Variants in AGBL1 observed in about 807,000 individuals in gnomAD.
AGBL1 encodes cytosolic carboxypeptidase 4.
AGBL1 carries 130 observed loss-of-function variants against 118.9 expected under a neutral mutation model. That is an observed-to-expected ratio of 1.09 (90% CI 0.95 to 1.26). The LOEUF (loss-of-function observed/expected upper bound fraction) is 1.26. AGBL1 is among the 50% of genes most tolerant of loss of function. The probability of loss-of-function intolerance (pLI) is 0.00; values close to 1 mark genes in which losing one functional copy is unlikely to be tolerated. For missense variants in AGBL1, 1,584 were observed against 1,298.1 expected (o/e 1.22, Z -3.38); for synonymous variants, 555 against 478.9 (o/e 1.16, Z -2.08).
chr15:86,875,613 T>G (rs183359028), intron 22 of AGBL1, among the ~76,000 whole-genome samples: 1 of 152,290 alleles, frequency 6.6e-6, no homozygotes, highest in African/African-American at 2.4e-5. Context: ...ACACATAGAT[T>G]GTTTTCCATA....
intron 24 of AGBL1, among the ~76,000 whole-genome samples, chr15:87,023,322 G>T (rs981033092): frequency 6.6e-6 from 1 of 152,042 alleles, no homozygotes; most frequent in African/African-American, 2.4e-5. Context: ...AAGTGAGCAG[G>T]AGTAGCTATA....
chr15:86,683,267 G>A (rs1038608017), intron 22 of AGBL1, among the ~76,000 whole-genome samples: 3 of 152,074 alleles, frequency 2.0e-5, no homozygotes, highest in South Asian at 2.1e-4. Context: ...AAACTCAAAC[G>A]ACTTGGGTTC....
rs570072530 is a variant in AGBL1, at chr15:86,698,899, CG to C, written c.3158+24464del. ...TACTGAAAAATAAAGATTTATTCAA[CG>C]TTTTCATTTGATATATATGTAATTT... On this transcript the variant is annotated intron_variant, in intron 22 of 22. Transcript: ENST00000614907. 2.9e-3 allele frequency among the ~76,000 whole-genome samples: 441 copies of C among 151,986 alleles called. 2 individuals carry two copies. Among genetic ancestry groups the C allele is most frequent in the African/African-American group, 0.01 (420 of 41,486 alleles).
chr15:86,745,311 A>G (rs1290855661), intron 22 of AGBL1, among the ~76,000 whole-genome samples: 2 of 152,082 alleles, frequency 1.3e-5, no homozygotes, highest in African/African-American at 4.8e-5. Context: ...AAAAAATGGG[A>G]ATATAGAGGC....
chr15:86,087,501 G>A (rs2141452421), intron 1 of AGBL1, among the ~76,000 whole-genome samples: 1 of 152,132 alleles, frequency 6.6e-6, no homozygotes, highest in East Asian at 1.9e-4. Context: ...GCTAATTTTT[G>A]TATTTTTAGT....
intron 22 of AGBL1, among the ~76,000 whole-genome samples, chr15:86,855,714 C>T (rs2079469619): frequency 6.6e-6 from 1 of 152,184 alleles, no homozygotes; most frequent in African/African-American, 2.4e-5. Context: ...TAATCATAAC[C>T]TTATCAAACA....
chr15:86,363,074 C>T (rs937584203), intron 17 of AGBL1, among the ~76,000 whole-genome samples: 4 of 152,096 alleles, frequency 2.6e-5, no homozygotes, highest in South Asian at 2.1e-4. Context: ...CTTTGGTCTG[C>T]AGCTGTGGCC....
At chr15:86,112,755 G>A (rs868065651) in intron 1 of AGBL1, among the ~76,000 whole-genome samples, 1 of 152,124 alleles carries the variant, frequency 6.6e-6, no homozygotes, top group African/African-American at 2.4e-5. Flanking sequence ...CACCAGGGCT[G>A]GATTTTTATC....
intron 21 of AGBL1, among the ~76,000 whole-genome samples, chr15:86,637,240 G>A (rs1267516665): frequency 6.6e-6 from 1 of 152,092 alleles, no homozygotes; most frequent in Non-Finnish European, 1.5e-5. Context: ...GATGTAAGAG[G>A]CAATGAAACA....
chr15:86,832,126 C>G (rs1437470581), intron 22 of AGBL1, among the ~76,000 whole-genome samples: 2 of 152,194 alleles, frequency 1.3e-5, no homozygotes, highest in Admixed American at 6.5e-5. Flanking sequence ...CACAAAGCAG[C>G]AGGGCACTGG....
intron 18 of AGBL1, among the ~76,000 whole-genome samples, chr15:86,460,318 C>CAAAAAAAAA (rs1168019827): frequency 2.5e-4 from 9 of 36,602 alleles, no homozygotes; most frequent in African/African-American, 8.5e-4. Flanking sequence ...CCTATCTCTA[C>CAAAAAAAAA]AAAAAAAAAA....
In AGBL1 at chr15:86,364,018, C is replaced by A. The variant is rs181652593; in HGVS notation, c.2375-33348C>A. On this transcript the variant is annotated intron_variant, in intron 17 of 22. Transcript: ENST00000614907. ...TGAGCATCCTGCTTTTCTATTCCCC[C>A]ATCTCTATTTTAGTGTGATGCCTAT... 2.0e-4 allele frequency among the ~76,000 whole-genome samples: 30 copies of A among 152,254 alleles called. No homozygotes were observed. The East Asian group carries it at 5.6e-3, about 28-fold the overall frequency.
At chr15:86,360,016 T>A (rs951169779) in intron 17 of AGBL1, among the ~76,000 whole-genome samples, 1 of 152,016 alleles carries the variant, frequency 6.6e-6, no homozygotes, top group Non-Finnish European at 1.5e-5. Flanking sequence ...CTGATTTGGA[T>A]GTGATTTATT....
At chr15:86,107,851 G>C (rs1897141210) in intron 1 of AGBL1, among the ~76,000 whole-genome samples, 2 of 152,192 alleles carry the variant, frequency 1.3e-5, no homozygotes, top group East Asian at 3.8e-4. Flanking sequence ...TGCCCTCTCA[G>C]AGAGCTTCTC....
At chr15:86,892,603 A>G (rs558336871) in intron 22 of AGBL1, among the ~76,000 whole-genome samples, 1 of 152,116 alleles carries the variant, frequency 6.6e-6, no homozygotes, top group Non-Finnish European at 1.5e-5. Context: ...TACCCCATAG[A>G]TTTGTTTATT....
chr15:86,985,226 A>T (rs182659654), intron 23 of AGBL1, among the ~76,000 whole-genome samples: 26 of 152,300 alleles, frequency 1.7e-4, no homozygotes, highest in African/African-American at 6.3e-4. Flanking sequence ...TTGTGTAGGC[A>T]TCTATTTTCA....
intron 20 of AGBL1, among the ~76,000 whole-genome samples, chr15:86,547,105 G>T (rs2083594100): frequency 6.6e-6 from 1 of 152,054 alleles, no homozygotes; most frequent in Non-Finnish European, 1.5e-5. Flanking sequence ...CCACCCCAAG[G>T]CTTTTATAGC....
intron 21 of AGBL1, among the ~76,000 whole-genome samples, chr15:86,607,203 C>T (rs1169339136): frequency 6.6e-6 from 1 of 152,160 alleles, no homozygotes; most frequent in Non-Finnish European, 1.5e-5. Flanking sequence ...TGTATGTATC[C>T]ATTCACTTAG....
At chr15:86,826,658 G>A (rs973406170) in intron 22 of AGBL1, among the ~76,000 whole-genome samples, 1 of 152,062 alleles carries the variant, frequency 6.6e-6, no homozygotes, top group Non-Finnish European at 1.5e-5. Flanking sequence ...TGCTGTTAAT[G>A]TTACTGTTCT....
Sources: gnomAD v4.1 joint callset for allele counts (sites outside exome capture counted in the v4.1 genomes callset) on GRCh38, gnomAD v4.1.1 for gene constraint, MANE v1.5 for transcripts, NCBI Gene and HGNC (gene_info 2026-07-23, HGNC 2026-07-21) for gene names.